POLH: variants seen among roughly 807,000 people sequenced by gnomAD.
POLH encodes DNA polymerase eta transcript.
In POLH, 53 loss-of-function variants were observed where a neutral mutation model predicts 73.6. The ratio of observed to expected loss-of-function variants is 0.72; its 90% confidence interval spans 0.58 to 0.91. The LOEUF (loss-of-function observed/expected upper bound fraction) is 0.91. POLH is among the 40% of genes least tolerant of loss of function. The pLI, the probability that POLH is intolerant of heterozygous loss-of-function variation, is 0.00. For synonymous variants in POLH, 292 were observed against 308.5 expected (o/e 0.95, Z 0.56); for missense variants, 768 against 865.4 (o/e 0.89, Z 1.41).
chr6:43,605,820 T>G (rs1024809387), intron 9 of POLH, among the ~76,000 whole-genome samples: 173 of 152,082 alleles, frequency 1.1e-3, no homozygotes, highest in African/African-American at 4.1e-3. Flanking sequence ...TGGGTTCAAG[T>G]GATTCTCCTG....
At chr6:43,579,153 C>T (rs1763730256) in intron 1 of POLH, among the ~76,000 whole-genome samples, 2 of 152,204 alleles carry the variant, frequency 1.3e-5, no homozygotes, top group Non-Finnish European at 2.9e-5. Flanking sequence ...CCTCAGAAAA[C>T]AGAATCTCTC....
At position 43,618,548 on chromosome 6, in the gene POLH, A is replaced by G. The variant is rs1768496439; in HGVS notation, c.*3991A>G. On this transcript the variant is annotated 3_prime_UTR_variant, in exon 11 of 11. Coordinates refer to ENST00000372236, the MANE Select transcript of POLH (RefSeq NM_006502.3). ...AAACTTGAATTACACAGGGAACCCA[A>G]CTGAAGAAAATGAACTGAAGTAGGT... 6.6e-6 allele frequency among the ~76,000 whole-genome samples: 1 copy of G among 152,218 alleles called. No homozygotes were observed.
Position 43,614,284 on chromosome 6 carries a change from T to C in POLH, c.1869T>C (p.Asn623=), listed in dbSNP as rs1397361314. Residue 623 remains asparagine (N), a synonymous_variant, in exon 11 of 11, where the codon AAT becomes AAC. Coordinates refer to ENST00000372236, the MANE Select transcript of POLH (RefSeq NM_006502.3). ...AGGTGACTCAGAAAGCAACCCCAAA[T>C]CCAAGTCTTCTAGCTGCTGAGGACC... The part of the protein sequence containing the change: ...VLEVTQKATP[N]PSLLAAEDQV... 1 of 1,598,594 alleles carries C rather than the reference T, an allele frequency of 6.3e-7. No individual in the cohort carries two copies. Among genetic ancestry groups the C allele is most frequent in the South Asian group, 1.1e-5 (1 of 89,404 alleles).
At chr6:43,611,440 C>T (rs1016775706) in intron 10 of POLH, among the ~76,000 whole-genome samples, 1 of 152,190 alleles carries the variant, frequency 6.6e-6, no homozygotes, top group Admixed American at 6.5e-5. Flanking sequence ...ATGTCATATT[C>T]ATTAGTAAAC....
intron 4 of POLH, 37 bp downstream of exon 4, chr6:43,587,526 C>A: frequency 7.1e-7 from 1 of 1,406,186 alleles, no homozygotes; most frequent in Non-Finnish European, 1.0e-6. Context: ...TGCTTCCTGC[C>A]TTTGGAACCT....
intron 4 of POLH, among the ~76,000 whole-genome samples, chr6:43,587,732 T>C (rs992168225): frequency 3.9e-5 from 6 of 152,180 alleles, no homozygotes; most frequent in East Asian, 1.9e-4. Context: ...GTTAGTGTTA[T>C]CAATAGAAGG....
In POLH at chr6:43,587,303, A is replaced by G; in HGVS notation, c.304A>G (p.Ile102Val). The change falls in exon 4 of 11, where the codon ATA becomes GTA. Residue 102 changes from isoleucine (I) to valine (V), a missense_variant. By Grantham distance (29) the Ile-to-Val change is conservative. Coordinates refer to ENST00000372236, the MANE Select transcript of POLH (RefSeq NM_006502.3). ...GGAAGCCAGTGTTGAAGTGATGGAG[A>G]TAATGTCTCGTTTTGCTGTGATTGA... is the stretch of plus-strand genomic sequence containing the variant. Reference protein sequence around the residue: ...YREASVEVMEIMSRFAVIERA... With the variant: ...YREASVEVMEVMSRFAVIERA... The G allele has an allele frequency of 6.2e-7, 1 of 1,614,122 alleles. No homozygotes were observed.
intron 4 of POLH, among the ~76,000 whole-genome samples, chr6:43,593,442 T>G (rs1347392767): frequency 6.6e-6 from 1 of 152,226 alleles, no homozygotes; most frequent in Admixed American, 6.5e-5. Flanking sequence ...ACTATAAATT[T>G]GTAACTAGGG....
chr6:43,593,061 T>G (rs963242236), intron 4 of POLH, among the ~76,000 whole-genome samples: 1 of 152,202 alleles, frequency 6.6e-6, no homozygotes, highest in African/African-American at 2.4e-5. Context: ...AGATGGGGTC[T>G]CACTGTGTTG....
At chr6:43,583,179 TC>T in intron 3 of POLH, 38 bp downstream of exon 3, 1 of 1,580,996 alleles carries the variant, frequency 6.3e-7, no homozygotes, top group Non-Finnish European at 8.7e-7. Flanking sequence ...CATAAAGGAG[TC>T]GAAAATAATA....
intron 6 of POLH, among the ~76,000 whole-genome samples, chr6:43,601,395 A>G (rs2127800349): frequency 6.6e-6 from 1 of 152,150 alleles, no homozygotes; most frequent in East Asian, 1.9e-4. Flanking sequence ...GCTCCTGAGT[A>G]GCTGGAATTA....
At chr6:43,606,572 G>GT (rs1767324897) in intron 9 of POLH, among the ~76,000 whole-genome samples, 1 of 151,968 alleles carries the variant, frequency 6.6e-6, no homozygotes, top group African/African-American at 2.4e-5. Flanking sequence ...GGGATTACAG[G>GT]TACCTGCCAC....
chr6:43,580,962 C>G (rs1310161870), intron 1 of POLH, among the ~76,000 whole-genome samples: 21 of 132,132 alleles, frequency 1.6e-4, no homozygotes, highest in East Asian at 4.7e-4. Flanking sequence ...ACCTCCCTCC[C>G]GGATGGGGCG....
intron 9 of POLH, among the ~76,000 whole-genome samples, chr6:43,610,114 T>G (rs954429877): frequency 2.1e-4 from 30 of 144,024 alleles, no homozygotes; most frequent in African/African-American, 7.6e-4. Flanking sequence ...CAGGCTGGAG[T>G]GCAGTGGCAC....
chr6:43,584,805 C>G (rs568631073), intron 3 of POLH, among the ~76,000 whole-genome samples: 175 of 152,108 alleles, frequency 1.2e-3, no homozygotes, highest in Non-Finnish European at 2.0e-3. Flanking sequence ...TCACAGAACT[C>G]AGGAGAACAC....
Position 43,619,983 on chromosome 6 carries a change from A to G in POLH, c.*5426A>G, listed in dbSNP as rs1370155199. The G allele has an allele frequency of 3.9e-6, 1 of 254,396 alleles. No homozygotes were observed. The highest frequency in any genetic ancestry group is 5.9e-5 in the Admixed American group (1 of 16,914). The allele number at this position is 254,396 out of a possible 1,614,324, so 15.8% of individuals were successfully genotyped here. On this transcript the variant is annotated 3_prime_UTR_variant, in exon 11 of 11. Coordinates refer to ENST00000372236, the MANE Select transcript of POLH (RefSeq NM_006502.3). ...CTATTTACAGTTGACTTTGGCCCCT[A>G]TTTACCCATAAAATGTCAAAATCAA...
In POLH at chr6:43,601,111, G is replaced by C. The variant is rs765722828; in HGVS notation, c.764+20G>C. ...CAAAATGTAAGTATTCAGGCAGCAT[G>C]TTAAATTTCACTTCTATCCATGTGT... On this transcript the variant is annotated intron_variant, in intron 6 of 10. Coordinates refer to ENST00000372236, the MANE Select transcript of POLH (RefSeq NM_006502.3). The C allele has an allele frequency of 7.9e-6, 12 of 1,518,204 alleles. No individual in the cohort carries two copies. Among genetic ancestry groups the C allele is most frequent in the Non-Finnish European group, 9.2e-6 (10 of 1,092,688 alleles). The allele number at this position is 1,518,204 out of a possible 1,614,324, so 94.0% of individuals were successfully genotyped here.
At chr6:43,592,694 C>T (rs1437060442) in intron 4 of POLH, among the ~76,000 whole-genome samples, 8 of 152,140 alleles carry the variant, frequency 5.3e-5, no homozygotes, top group East Asian at 1.9e-4. Context: ...GGATTACAGG[C>T]GTCAGCCACT....
chr6:43,611,309 C>T (rs1767859745), intron 10 of POLH, among the ~76,000 whole-genome samples: 1 of 152,194 alleles, frequency 6.6e-6, no homozygotes, highest in African/African-American at 2.4e-5. Context: ...TTGGGAACTT[C>T]AAACTACTTG....
Sources: gnomAD v4.1 joint callset for allele counts (sites outside exome capture counted in the v4.1 genomes callset) on GRCh38, gnomAD v4.1.1 for gene constraint, MANE v1.5 for transcripts, NCBI Gene and HGNC (gene_info 2026-07-23, HGNC 2026-07-21) for gene names.